Variants in EPHA5 observed in about 807,000 individuals in gnomAD.
The protein encoded by EPHA5 is EPH receptor A5.
A neutral mutation model predicts 105.0 loss-of-function variants in EPHA5; 60 were observed. The observed-to-expected ratio is 0.57, with a 90% CI of 0.46 to 0.71. EPHA5 has a LOEUF of 0.71. Ranked by LOEUF, EPHA5 falls within the 30% of genes least tolerant of loss-of-function variation. The pLI, the probability that EPHA5 is intolerant of heterozygous loss-of-function variation, is 0.00. For synonymous variants in EPHA5, 513 were observed against 449.1 expected (o/e 1.14, Z -1.80); for missense variants, 1,218 against 1,274.7 (o/e 0.96, Z 0.68).
At chr4:65,663,381 A>G (rs1299640812) in intron 1 of EPHA5, among the ~76,000 whole-genome samples, 2 of 152,082 alleles carry the variant, frequency 1.3e-5, no homozygotes, top group Admixed American at 6.6e-5. Flanking sequence ...TGGGACACCT[A>G]CTAAATTACA....
intron 8 of EPHA5, among the ~76,000 whole-genome samples, chr4:65,386,488 T>A (rs1720101884): frequency 6.6e-6 from 1 of 151,864 alleles, no homozygotes; most frequent in African/African-American, 2.4e-5. Flanking sequence ...ATTTTATGAA[T>A]GTGTTCTAAG....
At chr4:65,368,269 A>T (rs910166002) in intron 8 of EPHA5, among the ~76,000 whole-genome samples, 3 of 151,984 alleles carry the variant, frequency 2.0e-5, no homozygotes, top group African/African-American at 7.3e-5. Flanking sequence ...TAATACTTCT[A>T]TCTCACTGGT....
intron 3 of EPHA5, among the ~76,000 whole-genome samples, chr4:65,577,044 C>T (rs1036390490): frequency 5.3e-5 from 8 of 152,162 alleles, no homozygotes; most frequent in Non-Finnish European, 8.8e-5. Flanking sequence ...AACACTGTTG[C>T]TGATAGAATG....
intron 3 of EPHA5, among the ~76,000 whole-genome samples, chr4:65,546,299 G>A (rs955333673): frequency 1.3e-5 from 2 of 151,834 alleles, no homozygotes; most frequent in Non-Finnish European, 2.9e-5. Flanking sequence ...AAATACACTG[G>A]ACATTAAACA....
chr4:65,590,892 C>T (rs1052414804), intron 3 of EPHA5, among the ~76,000 whole-genome samples: 2 of 152,060 alleles, frequency 1.3e-5, no homozygotes, highest in African/African-American at 4.8e-5. Flanking sequence ...ACAGATAGAT[C>T]ATAGTAATTA....
At chr4:65,485,686 C>A (rs1292043290) in intron 5 of EPHA5, among the ~76,000 whole-genome samples, 1 of 152,124 alleles carries the variant, frequency 6.6e-6, no homozygotes, top group Non-Finnish European at 1.5e-5. Flanking sequence ...TTCCTTCTTA[C>A]ACTTTTTGAA....
intron 3 of EPHA5, among the ~76,000 whole-genome samples, chr4:65,520,661 G>C (rs1401980463): frequency 5.9e-5 from 9 of 151,822 alleles, no homozygotes; most frequent in Non-Finnish European, 8.8e-5. Flanking sequence ...AATCTACAAA[G>C]AACTCAAACA....
chr4:65,612,122 C>T (rs983361914), intron 2 of EPHA5, among the ~76,000 whole-genome samples: 1 of 151,090 alleles, frequency 6.6e-6, no homozygotes, highest in African/African-American at 2.4e-5. Flanking sequence ...GCTGGCATTT[C>T]CATAGAGAAT....
At chr4:65,540,758 T>C (rs895124849) in intron 3 of EPHA5, among the ~76,000 whole-genome samples, 1 of 141,066 alleles carries the variant, frequency 7.1e-6, no homozygotes. Context: ...TATTTCCTGA[T>C]TTTTTTTTTC....
chr4:65,581,704 C>A (rs560689662), intron 3 of EPHA5, among the ~76,000 whole-genome samples: 3 of 151,818 alleles, frequency 2.0e-5, no homozygotes, highest in African/African-American at 7.2e-5. Context: ...CTTCAGCGCA[C>A]TTTACTTCCT....
intron 2 of EPHA5, among the ~76,000 whole-genome samples, chr4:65,642,450 T>A (rs1055048394): frequency 6.6e-6 from 1 of 152,074 alleles, no homozygotes; most frequent in African/African-American, 2.4e-5. Flanking sequence ...TTATTTTGCC[T>A]TACCTTTATG....
At chr4:65,528,886 G>A (rs1735495289) in intron 3 of EPHA5, among the ~76,000 whole-genome samples, 1 of 152,080 alleles carries the variant, frequency 6.6e-6, no homozygotes, top group African/African-American at 2.4e-5. Flanking sequence ...ACAGCAGAAG[G>A]ACTCTACTTC....
intron 10 of EPHA5, among the ~76,000 whole-genome samples, chr4:65,365,585 A>G (rs2148890324): frequency 6.8e-6 from 1 of 146,690 alleles, no homozygotes; most frequent in African/African-American, 2.4e-5. Flanking sequence ...CTAGAAAAAA[A>G]GGAAACAATT....
intron 11 of EPHA5, among the ~76,000 whole-genome samples, chr4:65,355,859 C>A (rs1042941390): frequency 6.6e-6 from 1 of 151,468 alleles, no homozygotes; most frequent in African/African-American, 2.4e-5. Flanking sequence ...ATGTACCTGA[C>A]AAAGATCAGC....
intron 5 of EPHA5, among the ~76,000 whole-genome samples, chr4:65,449,402 A>G (rs901339822): frequency 2.6e-5 from 4 of 152,200 alleles, no homozygotes; most frequent in African/African-American, 7.2e-5. Flanking sequence ...TTTGGTGGGA[A>G]ACTTGAAAAC....
intron 1 of EPHA5, among the ~76,000 whole-genome samples, chr4:65,656,485 G>A (rs1298720212): frequency 6.7e-6 from 1 of 150,038 alleles, no homozygotes; most frequent in Non-Finnish European, 1.5e-5. Flanking sequence ...ATGTTTTCTT[G>A]TGCATATATT....
intron 3 of EPHA5, among the ~76,000 whole-genome samples, chr4:65,512,525 C>G (rs1733721805): frequency 6.6e-6 from 1 of 152,004 alleles, no homozygotes; most frequent in South Asian, 2.1e-4. Flanking sequence ...CTCACAAGAT[C>G]TGGTTGTCCA....
intron 5 of EPHA5, among the ~76,000 whole-genome samples, chr4:65,465,759 C>A (rs1411689798): frequency 6.6e-6 from 1 of 152,124 alleles, no homozygotes; most frequent in Non-Finnish European, 1.5e-5. Context: ...AGGAAAAGAT[C>A]CCCGCTTTAG....
intron 3 of EPHA5, among the ~76,000 whole-genome samples, chr4:65,552,007 A>G (rs1191038491): frequency 6.6e-6 from 1 of 152,168 alleles, no homozygotes; most frequent in Non-Finnish European, 1.5e-5. Context: ...CTCACCTTAA[A>G]CAAGCTGAGC....
Sources: allele counts gnomAD v4.1 joint callset (sites outside exome capture counted in the v4.1 genomes callset), GRCh38; gene constraint gnomAD v4.1.1; transcripts MANE v1.5; gene names NCBI Gene and HGNC (gene_info 2026-07-23, HGNC 2026-07-21).